FNTB: variants seen among roughly 807,000 people sequenced by gnomAD.
FNTB encodes farnesyltransferase, CAAX box, subunit beta.
Under a neutral mutation model 59.4 loss-of-function variants are expected in FNTB, and 27 were observed. That is an observed-to-expected ratio of 0.45 (90% CI 0.34 to 0.63). The LOEUF is 0.63. Ranked by LOEUF, FNTB falls within the 20% of genes least tolerant of loss-of-function variation. FNTB has a pLI of 0.02. For synonymous variants in FNTB, 230 were observed against 220.7 expected, an observed-to-expected ratio of 1.04 and a Z score of -0.37; for missense variants, 449 against 559.6, an observed-to-expected ratio of 0.80 and a Z score of 1.99.
In FNTB at chr14:65,031,645, G is replaced by A. The variant is rs2062086780; in HGVS notation, c.606-965G>A. On this transcript the variant is annotated intron_variant, in intron 6 of 11. Coordinates refer to ENST00000246166, the MANE Select transcript of FNTB (RefSeq NM_002028.4). The surrounding 1 kb of genome is among the most constrained non-coding windows in gnomAD (Gnocchi z 4.6). ...AATGCTTTTTTAAAAAATAGCCCGGGCGCGGTGGCTTATGCCTGTAATCCC... is the reference window on the plus strand; with the variant it reads ...AATGCTTTTTTAAAAAATAGCCCGGACGCGGTGGCTTATGCCTGTAATCCC... Among the ~76,000 whole-genome samples the A allele has an allele frequency of 6.6e-6, 1 of 152,124 alleles. No homozygotes were observed. The highest frequency in any genetic ancestry group is 6.5e-5 in the Admixed American group (1 of 15,286).
rs115532637 is a variant in FNTB, at chr14:65,017,928, C to T, written c.374+2212C>T. Among the ~76,000 whole-genome samples the T allele has an allele frequency of 6.6e-3, 1,001 of 152,106 alleles. 11 individuals are homozygous for T. Among genetic ancestry groups the T allele is most frequent in the African/African-American group, 0.022 (922 of 41,468 alleles). ...CGAGATTGCGCCTTTGCACTCCAGTCCGGGCAACAGAGTGACACTCCATCT... is the reference window on the plus strand; with the variant it reads ...CGAGATTGCGCCTTTGCACTCCAGTTCGGGCAACAGAGTGACACTCCATCT... On this transcript the variant is annotated intron_variant, in intron 4 of 11. Coordinates refer to ENST00000246166, the MANE Select transcript of FNTB (RefSeq NM_002028.4).
At chr14:65,045,977 A>C (rs1320239424) in intron 9 of FNTB, among the ~76,000 whole-genome samples, 1 of 152,032 alleles carries the variant, frequency 6.6e-6, no homozygotes, top group Admixed American at 6.6e-5. Flanking sequence ...CAAGTCAAAC[A>C]TTTTTTATTT....
At chr14:65,017,181 C>A (rs2061791572) in intron 4 of FNTB, among the ~76,000 whole-genome samples, 1 of 152,150 alleles carries the variant, frequency 6.6e-6, no homozygotes. Context: ...CCTCGGCCTC[C>A]CAAAGTGCTG....
intron 9 of FNTB, among the ~76,000 whole-genome samples, chr14:65,045,005 A>G (rs1162171958): frequency 1.3e-5 from 2 of 152,198 alleles, no homozygotes; most frequent in East Asian, 3.9e-4. Flanking sequence ...TCATTGAATA[A>G]GCCTAAATGG....
chr14:65,039,601 T>C (rs954403783), intron 7 of FNTB, among the ~76,000 whole-genome samples: 11 of 152,138 alleles, frequency 7.2e-5, no homozygotes, highest in Non-Finnish European at 8.8e-5. Context: ...CCCATCCCTA[T>C]CCTTTGGGTA....
At position 65,031,503 on chromosome 14, in the gene FNTB, A is replaced by C. The variant is rs538899558; in HGVS notation, c.606-1107A>C. Among the ~76,000 whole-genome samples the C allele has an allele frequency of 1.6e-3, 243 of 151,954 alleles. 1 individual carries two copies. The highest frequency in any genetic ancestry group is 5.8e-3 in the African/African-American group (242 of 41,492). ...CAGCTAATTTTTGTGTTTTTAGTGG[A>C]GACGGGGTTTCGCAATATTGGTCAG... On this transcript the variant is annotated intron_variant, in intron 6 of 11. Coordinates refer to ENST00000246166, the MANE Select transcript of FNTB (RefSeq NM_002028.4). This position sits in a 1 kb window ranked among gnomAD's most constrained non-coding sequence, Gnocchi z 4.6.
intron 4 of FNTB, among the ~76,000 whole-genome samples, chr14:65,024,573 C>G (rs538179167): frequency 6.6e-6 from 1 of 152,090 alleles, no homozygotes; most frequent in Non-Finnish European, 1.5e-5. Context: ...GTAATTGGCA[C>G]GTAAGCTAGA....
intron 7 of FNTB, among the ~76,000 whole-genome samples, chr14:65,035,672 A>G (rs928671702): frequency 6.7e-6 from 1 of 148,698 alleles, no homozygotes; most frequent in Admixed American, 6.7e-5. Flanking sequence ...TGGGACAACA[A>G]GCGCGTGCCA....
rs369345455 is a variant in FNTB at position 64,990,338 on chromosome 14, G to A, written c.144+3241G>A. On this transcript the variant is annotated intron_variant, in intron 1 of 11. Coordinates refer to ENST00000246166, the MANE Select transcript of FNTB (RefSeq NM_002028.4). The surrounding 1 kb of genome is among the most constrained non-coding windows in gnomAD (Gnocchi z 5.2). Reference sequence around the variant, plus strand: ...AGGTTGCCTTGCTTTATGGCTGCGGGCCATGGGAAGTATTGCTGGGGGTGA... The same window carrying A: ...AGGTTGCCTTGCTTTATGGCTGCGGACCATGGGAAGTATTGCTGGGGGTGA... Among the ~76,000 whole-genome samples the A allele has an allele frequency of 6.3e-4, 96 of 152,274 alleles. No individual in the cohort carries two copies. Among genetic ancestry groups the A allele is most frequent in the African/African-American group, 2.2e-3 (93 of 41,544 alleles).
chr14:64,993,937 C>G (rs933016312), intron 1 of FNTB, among the ~76,000 whole-genome samples: 1 of 151,750 alleles, frequency 6.6e-6, no homozygotes, highest in African/African-American at 2.4e-5. Context: ...CTCACCGTAA[C>G]CTCCGCCTCC....
At position 65,040,257 on chromosome 14, in the gene FNTB, A is replaced by ATGTATATATATGTATATATATGTG. The variant is rs1555336276; in HGVS notation, c.693-521_693-498dup. 3.2e-3 allele frequency among the ~76,000 whole-genome samples: 481 copies of ATGTATATATATGTATATATATGTG among 148,938 alleles called. 1 individual carries two copies. The highest frequency in any genetic ancestry group is 0.011 in the African/African-American group (432 of 40,692). The stretch of plus-strand genomic sequence containing the variant: ...ACTTGATGGTTATCACTATATATAT[A>ATGTATATATATGTATATATATGTG]TGTATATATATGTATATATATGTGT... On this transcript the variant is annotated intron_variant, in intron 7 of 11. Coordinates refer to ENST00000246166, the MANE Select transcript of FNTB (RefSeq NM_002028.4).
chr14:65,048,325 T>TAA lies in FNTB; in HGVS notation c.955+3894_955+3895dup, dbSNP rs59114641. Among the ~76,000 whole-genome samples, 52 of 145,150 alleles carry TAA rather than the reference T, an allele frequency of 3.6e-4. 1 individual carries two copies. The highest frequency in any genetic ancestry group is 1.4e-3 in the Admixed American group (21 of 14,628). On this transcript the variant is annotated intron_variant, in intron 9 of 11. Transcript: ENST00000246166. ...ATCCTTCTGTATTATACTGTGCCTT[T>TAA]AAAAAAAAAAAAACCATGTGCATTA...
intron 7 of FNTB, among the ~76,000 whole-genome samples, chr14:65,035,052 CTT>C (rs1289197770): frequency 2.0e-5 from 3 of 152,244 alleles, no homozygotes; most frequent in African/African-American, 7.2e-5. Context: ...TATGTGGAAA[CTT>C]GAACTGAGTT....
chr14:65,055,278 G>A (rs1187865394), intron 11 of FNTB, among the ~76,000 whole-genome samples: 2 of 152,220 alleles, frequency 1.3e-5, no homozygotes. Context: ...GGACAACCTG[G>A]AGGTGCTCTG....
In FNTB at chr14:65,032,457, T is replaced by C; in HGVS notation, c.606-153T>C. On this transcript the variant is annotated intron_variant, in intron 6 of 11. Coordinates refer to ENST00000246166, the MANE Select transcript of FNTB (RefSeq NM_002028.4). The surrounding 1 kb of genome is among the most constrained non-coding windows in gnomAD (Gnocchi z 5.0). ...CCAAATAGAATGTCACACCTCTCAG[T>C]TGGAGACCCAGGAGGACTGACCGTG... 1 of 642,612 alleles carries C rather than the reference T, an allele frequency of 1.6e-6. No homozygotes were observed. Among genetic ancestry groups the C allele is most frequent in the South Asian group, 2.4e-5 (1 of 41,412 alleles). 39.8% of individuals were successfully genotyped at this position (642,612 alleles called of 1,614,324 possible).
At position 65,047,277 on chromosome 14, in the gene FNTB, C is replaced by T. The variant is rs2139655294; in HGVS notation, c.955+2834C>T. On this transcript the variant is annotated intron_variant, in intron 9 of 11. Coordinates refer to ENST00000246166, the MANE Select transcript of FNTB (RefSeq NM_002028.4). The surrounding 1 kb of genome is among the most constrained non-coding windows in gnomAD (Gnocchi z 5.2). ...GTACCATTGTTTACAGATGAGGAAA[C>T]AAACTACAGTGAGGTTAAGTGATTG... Among the ~76,000 whole-genome samples the T allele has an allele frequency of 6.6e-6, 1 of 152,284 alleles. No homozygotes were observed. Among genetic ancestry groups the T allele is most frequent in the East Asian group, 1.9e-4 (1 of 5,188 alleles).
intron 9 of FNTB, among the ~76,000 whole-genome samples, chr14:65,048,393 G>A (rs973909724): frequency 2.0e-5 from 3 of 151,442 alleles, no homozygotes; most frequent in African/African-American, 7.3e-5. Context: ...TTTTTAAAAG[G>A]CATTGATCAT....
At position 65,054,667 on chromosome 14, in the gene FNTB, T is replaced by A; in HGVS notation, c.1160T>A (p.Leu387Gln). Reference protein sequence around the residue: ...GSGAMLHDVVLGVPENALQPT... With the variant: ...GSGAMLHDVVQGVPENALQPT... ...GGAGCCATGTTGCATGATGTGGTCC[T>A]GGGTGTGCCCGAAAACGCTCTGGTA... Residue 387 changes from leucine to glutamine, a missense_variant, in exon 11 of 12, where the codon CTG (leucine) becomes CAG (glutamine). By Grantham distance (113) the Leu-to-Gln change is moderately radical. Transcript: ENST00000246166. This position sits in a 1 kb window ranked among gnomAD's most constrained non-coding sequence, Gnocchi z 4.4. 6.2e-7 allele frequency: 1 copy of A among 1,612,654 alleles called. No homozygotes were observed. The highest frequency in any genetic ancestry group is 8.5e-7 in the Non-Finnish European group (1 of 1,179,386).
Position 65,040,416 on chromosome 14 carries a change from G to A in FNTB, c.693-374G>A, listed in dbSNP as rs141376378. Among the ~76,000 whole-genome samples, 713 of 151,358 alleles carry A rather than the reference G, an allele frequency of 4.7e-3. 15 individuals are homozygous for A. The highest frequency in any genetic ancestry group is 0.042 in the South Asian group (202 of 4,788). ...CAAGTAGGCTGTTTCTAAGTGTCTGGGTTTTTAACATTTTACAGTTTTTAT... is the reference window on the plus strand; with the variant it reads ...CAAGTAGGCTGTTTCTAAGTGTCTGAGTTTTTAACATTTTACAGTTTTTAT... On this transcript the variant is annotated intron_variant, in intron 7 of 11. Transcript: ENST00000246166.
Sources: allele counts gnomAD v4.1 joint callset (sites outside exome capture counted in the v4.1 genomes callset), GRCh38; gene constraint gnomAD v4.1.1; non-coding constraint Gnocchi (gnomAD v3.1); transcripts MANE v1.5; gene names NCBI Gene and HGNC (gene_info 2026-07-23, HGNC 2026-07-21).